The following MYH13 variants were observed in gnomAD, a reference collection of about 807,000 sequenced individuals.
The protein encoded by MYH13 is myosin heavy chain 13, also known as myosin-13.
Under a neutral mutation model 232.1 loss-of-function variants are expected in MYH13, and 177 were observed. The ratio of observed to expected loss-of-function variants is 0.76; its 90% confidence interval spans 0.67 to 0.86. The LOEUF (loss-of-function observed/expected upper bound fraction) is 0.86. Ranked by LOEUF, MYH13 falls within the 40% of genes least tolerant of loss-of-function variation. MYH13 has a pLI of 0.00. For missense variants in MYH13, 2,246 were observed against 2,405.9 expected (o/e 0.93, Z 1.39); for synonymous variants, 884 against 923.5 (o/e 0.96, Z 0.78).
rs1435124629 is a variant in MYH13 at position 10,340,352 on chromosome 17, G to A, written c.1944C>T (p.Phe648=). 1 of 1,613,964 alleles carries A rather than the reference G, an allele frequency of 6.2e-7. No individual in the cohort carries two copies. The part of the protein sequence containing the change: ...KKGGKKKGSS[F]QTVSAVFREN... ...CCCTGAACACGGCCGACACGGTCTG[G>A]AAAGAGGAGCCCTTCTTCTTCCCGC... The change falls in exon 17 of 41, where the codon TTC becomes TTT. Residue 648 remains phenylalanine, a synonymous_variant. Coordinates refer to ENST00000252172, the MANE Select transcript of MYH13 (RefSeq NM_003802.3).
chr17:10,311,061 C>T (rs1906492665), intron 33 of MYH13, 42 bp downstream of exon 33: 1 of 1,611,360 alleles, frequency 6.2e-7, no homozygotes, highest in Non-Finnish European at 8.5e-7. Context: ...TTTCAGTTCC[C>T]TGTCCTCCTG....
At chr17:10,358,123 T>C (rs2071763550) in intron 7 of MYH13, among the ~76,000 whole-genome samples, 1 of 152,160 alleles carries the variant, frequency 6.6e-6, no homozygotes, top group African/African-American at 2.4e-5. Context: ...TCTGATAACA[T>C]TTCATTATAA....
At chr17:10,358,356 C>T (rs182394315) in intron 7 of MYH13, among the ~76,000 whole-genome samples, 1 of 152,242 alleles carries the variant, frequency 6.6e-6, no homozygotes, top group Non-Finnish European at 1.5e-5. Context: ...TCACCTTCAC[C>T]TCCATGACTG....
chr17:10,341,930 TTTTA>T (rs2071622355), intron 16 of MYH13, among the ~76,000 whole-genome samples: 2 of 152,194 alleles, frequency 1.3e-5, no homozygotes, highest in African/African-American at 4.8e-5. Context: ...ATTTCATATA[TTTTA>T]TTAATTTATT....
chr17:10,366,357 A>C (rs1176913451), intron 2 of MYH13, among the ~76,000 whole-genome samples: 3 of 148,820 alleles, frequency 2.0e-5, no homozygotes, highest in African/African-American at 7.5e-5. Flanking sequence ...ATATCTCTCC[A>C]TATCTCTCTT....
At chr17:10,344,789 C>G (rs1234958826) in intron 15 of MYH13, among the ~76,000 whole-genome samples, 1 of 148,496 alleles carries the variant, frequency 6.7e-6, no homozygotes, top group African/African-American at 2.5e-5. Flanking sequence ...CCACTGCACT[C>G]CAGCCTGGGT....
intron 27 of MYH13, chr17:10,317,614 A>G (rs186787624): frequency 1.3e-5 from 2 of 152,446 alleles, no homozygotes; most frequent in African/African-American, 4.8e-5. Context: ...GCACCCTGCA[A>G]GGAGGGCACG....
intron 13 of MYH13, among the ~76,000 whole-genome samples, chr17:10,346,023 A>G (rs2071663999): frequency 1.4e-5 from 2 of 142,738 alleles, no homozygotes; most frequent in African/African-American, 5.3e-5. Context: ...ACAAAAGAAA[A>G]AAAGAAAATC....
chr17:10,330,267 G>T, intron 21 of MYH13, 120 bp downstream of exon 21: 1 of 1,404,240 alleles, frequency 7.1e-7, no homozygotes, highest in Non-Finnish European at 9.6e-7. Flanking sequence ...AGTAGATGTG[G>T]GTTAAACAAA....
At chr17:10,315,672 A>T in intron 29 of MYH13, 21 bp downstream of exon 29, 2 of 1,606,006 alleles carry the variant, frequency 1.2e-6, no homozygotes, top group South Asian at 1.1e-5. Flanking sequence ...TCTCAGGTTC[A>T]ATCTGACTCT....
At chr17:10,311,456 C>A (rs1275170290) in intron 32 of MYH13, among the ~76,000 whole-genome samples, 1 of 152,130 alleles carries the variant, frequency 6.6e-6, no homozygotes, top group East Asian at 1.9e-4. Flanking sequence ...TCAAAAGTAC[C>A]ATATACAAAA....
rs1374725612 is a variant in MYH13, at chr17:10,368,604, GATTT to G, written c.-13+2601_-13+2604del. On this transcript the variant is annotated intron_variant, in intron 2 of 40. Coordinates refer to ENST00000252172, the MANE Select transcript of MYH13 (RefSeq NM_003802.3). ...CTAATACAGTTTGGTGCGGTGCCTTGATTTGTAATAAGGTACCAGCCATTTATTC... is the reference window on the plus strand; with the variant it reads ...CTAATACAGTTTGGTGCGGTGCCTTGGTAATAAGGTACCAGCCATTTATTC... Among the ~76,000 whole-genome samples, 7 of 152,320 alleles carry G rather than the reference GATTT, an allele frequency of 4.6e-5. No individual in the cohort carries two copies. In the East Asian group the frequency reaches 5.8e-4, roughly 13 times the overall value.
intron 33 of MYH13, 48 bp downstream of exon 33, chr17:10,311,055 A>T: frequency 6.2e-7 from 1 of 1,608,478 alleles, no homozygotes; most frequent in Non-Finnish European, 8.5e-7. Flanking sequence ...AGCCTCTTTC[A>T]GTTCCCTGTC....
intron 23 of MYH13, among the ~76,000 whole-genome samples, 196 bp from the exon 24 acceptor site, chr17:10,321,904 A>T (rs1339598744): frequency 6.6e-6 from 1 of 152,080 alleles, no homozygotes; most frequent in Admixed American, 6.5e-5. Context: ...AAATTCTCCC[A>T]TTAGGATTAT....
intron 20 of MYH13, among the ~76,000 whole-genome samples, chr17:10,331,255 C>T (rs1907399446): frequency 6.6e-6 from 1 of 152,104 alleles, no homozygotes; most frequent in Non-Finnish European, 1.5e-5. Flanking sequence ...CCCACTTCGC[C>T]CACTCCCTCC....
intron 1 of MYH13, among the ~76,000 whole-genome samples, chr17:10,372,501 G>A (rs2071884514): frequency 6.6e-6 from 1 of 152,172 alleles, no homozygotes; most frequent in Admixed American, 6.5e-5. Flanking sequence ...ATTCATATCA[G>A]ACTATGACAC....
intron 2 of MYH13, among the ~76,000 whole-genome samples, chr17:10,368,169 G>C (rs12936019): frequency 0.16 from 24,726 of 152,116 alleles, 2,461 homozygotes; most frequent in Non-Finnish European, 0.23. Context: ...AATATCACCA[G>C]TGTGATATCA....
At chr17:10,362,542 G>T (rs762356220) in intron 3 of MYH13, 39 bp from the exon 4 acceptor site, 1 of 1,613,520 alleles carries the variant, frequency 6.2e-7, no homozygotes, top group South Asian at 1.1e-5. Flanking sequence ...AAATTGGTGA[G>T]CCAAGTGCCC....
chr17:10,365,112 T>A (rs2142150523), intron 2 of MYH13, among the ~76,000 whole-genome samples: 1 of 152,238 alleles, frequency 6.6e-6, no homozygotes, highest in East Asian at 1.9e-4. Flanking sequence ...TGACCTCAGG[T>A]AATCTGCCCG....
Sources: allele counts gnomAD v4.1 joint callset (sites outside exome capture counted in the v4.1 genomes callset), GRCh38; gene constraint gnomAD v4.1.1; transcripts MANE v1.5; gene names NCBI Gene and HGNC (gene_info 2026-07-23, HGNC 2026-07-21).